MAML3: variants seen among roughly 807,000 people sequenced by gnomAD.
The protein encoded by MAML3 is mastermind-like protein 3.
In MAML3, 27 loss-of-function variants were observed where a neutral mutation model predicts 101.9. The observed-to-expected ratio is 0.27, with a 90% CI of 0.20 to 0.37. MAML3 has a LOEUF of 0.37. Ranked by LOEUF, MAML3 falls within the 10% of genes least tolerant of loss-of-function variation. The pLI is 1.00. For missense variants in MAML3, 1,316 were observed against 1,444.9 expected, an observed-to-expected ratio of 0.91 and a Z score of 1.45; for synonymous variants, 501 against 555.9, an observed-to-expected ratio of 0.90 and a Z score of 1.39.
intron 2 of MAML3, among the ~76,000 whole-genome samples, chr4:139,793,948 T>C (rs13133905): frequency 0.064 from 9,751 of 152,232 alleles, 563 homozygotes; most frequent in African/African-American, 0.15. Flanking sequence ...GCACTGTACA[T>C]CTTGGCTACT....
intron 1 of MAML3, among the ~76,000 whole-genome samples, chr4:139,961,317 T>G (rs372156546): frequency 6.6e-6 from 1 of 152,266 alleles, no homozygotes; most frequent in Non-Finnish European, 1.5e-5. Flanking sequence ...GATTACTAAA[T>G]AGAGAACAAA....
At chr4:140,108,226 C>G (rs972716895) in intron 1 of MAML3, among the ~76,000 whole-genome samples, 1 of 151,990 alleles carries the variant, frequency 6.6e-6, no homozygotes, top group Non-Finnish European at 1.5e-5. Flanking sequence ...CCTGAAATGC[C>G]CTTTCCTCTT....
At chr4:139,970,206 A>G (rs1042181945) in intron 1 of MAML3, among the ~76,000 whole-genome samples, 1 of 152,234 alleles carries the variant, frequency 6.6e-6, no homozygotes, top group African/African-American at 2.4e-5. Context: ...ATTAAATTGA[A>G]CTGAGAGGAT....
At chr4:140,009,670 A>C (rs747237292) in intron 1 of MAML3, among the ~76,000 whole-genome samples, 13 of 152,236 alleles carry the variant, frequency 8.5e-5, no homozygotes, top group Non-Finnish European at 1.6e-4. Flanking sequence ...GCATTGATTT[A>C]ATTCAACAAA....
At chr4:139,792,938 G>T (rs1394900589) in intron 2 of MAML3, among the ~76,000 whole-genome samples, 1 of 151,910 alleles carries the variant, frequency 6.6e-6, no homozygotes, top group Non-Finnish European at 1.5e-5. Flanking sequence ...AGTAGAGACG[G>T]GGTTTCACCA....
intron 1 of MAML3, among the ~76,000 whole-genome samples, chr4:140,150,009 A>G (rs1729131609): frequency 6.8e-6 from 1 of 146,604 alleles, no homozygotes; most frequent in Admixed American, 7.1e-5. Flanking sequence ...CTTACATTAC[A>G]TTCATCACAC....
At chr4:139,766,801 A>C (rs533340076) in intron 2 of MAML3, among the ~76,000 whole-genome samples, 1 of 152,372 alleles carries the variant, frequency 6.6e-6, no homozygotes, top group South Asian at 2.1e-4. Flanking sequence ...ATGAAGAGCA[A>C]AACTGAGAAA....
intron 1 of MAML3, among the ~76,000 whole-genome samples, chr4:140,132,892 G>T (rs182936676): frequency 5.1e-4 from 78 of 152,284 alleles, no homozygotes; most frequent in African/African-American, 1.9e-3. Flanking sequence ...AGCTGTAGAG[G>T]TTTTTGGTCT....
intron 1 of MAML3, among the ~76,000 whole-genome samples, chr4:140,060,192 C>T (rs1050519615): frequency 2.0e-5 from 3 of 151,430 alleles, no homozygotes; most frequent in African/African-American, 7.3e-5. Context: ...ACGGTGAAAC[C>T]CAGTCTCTAT....
chr4:140,064,504 G>C (rs1196019577), intron 1 of MAML3, among the ~76,000 whole-genome samples: 4 of 152,204 alleles, frequency 2.6e-5, no homozygotes, highest in Admixed American at 6.5e-5. Flanking sequence ...TACATAGTTG[G>C]GTTAGAGGGT....
intron 1 of MAML3, among the ~76,000 whole-genome samples, chr4:140,083,953 CACACACACACACACAGAGAG>C (rs1200271030): frequency 1.9e-4 from 5 of 26,514 alleles, no homozygotes; most frequent in African/African-American, 6.2e-4. Flanking sequence ...CACACACACA[CACACACACACACACAGAGAG>C]AGAGAGAGAG....
chr4:139,890,165 G>C lies in MAML3; in HGVS notation c.1271C>G (p.Ala424Gly), dbSNP rs1181328351. 1.5e-5 allele frequency: 25 copies of C among 1,613,524 alleles called. No individual in the cohort carries two copies. Among genetic ancestry groups the C allele is most frequent in the Non-Finnish European group, 2.1e-5 (25 of 1,179,884 alleles). Residue 424 changes from alanine (A) to glycine (G), a missense_variant, in exon 2 of 5, where the codon GCC becomes GGC. Physicochemically the swap from Ala to Gly is moderately conservative, Grantham distance 60. Coordinates refer to ENST00000509479, the MANE Select transcript of MAML3 (RefSeq NM_018717.5). The surrounding 1 kb of genome is among the most constrained non-coding windows in gnomAD (Gnocchi z 4.1). ...AVQSPQTPNQAHTPGQAPPRP... is the reference protein window; with the variant it reads ...AVQSPQTPNQGHTPGQAPPRP... ...AGGTGGAGCTTGGCCTGGAGTGTGG[G>C]CTTGGTTTGGAGTTTGAGGGGACTG...
At chr4:139,752,880 T>C (rs1432667717) in intron 2 of MAML3, among the ~76,000 whole-genome samples, 1 of 152,196 alleles carries the variant, frequency 6.6e-6, no homozygotes, top group Non-Finnish European at 1.5e-5. Context: ...AGCTACTTCC[T>C]TGTGGTGACA....
At chr4:140,151,320 A>T (rs1213043202) in intron 1 of MAML3, among the ~76,000 whole-genome samples, 2 of 151,546 alleles carry the variant, frequency 1.3e-5, no homozygotes, top group East Asian at 3.9e-4. Flanking sequence ...CCCCCGGAGA[A>T]CTGGGAGGAG....
At chr4:139,815,543 A>G (rs1230433699) in intron 2 of MAML3, among the ~76,000 whole-genome samples, 2 of 152,228 alleles carry the variant, frequency 1.3e-5, no homozygotes, top group Non-Finnish European at 2.9e-5. Flanking sequence ...AAGGAATTCA[A>G]ATCTGGGCTC....
chr4:139,984,659 G>C lies in MAML3; in HGVS notation c.469-93692C>G, dbSNP rs181201148. Among the ~76,000 whole-genome samples, 1,064 of 152,222 alleles carry C rather than the reference G, an allele frequency of 7.0e-3. 4 individuals are homozygous for C. Among genetic ancestry groups the C allele is most frequent in the Non-Finnish European group, 8.6e-3 (587 of 68,020 alleles). On this transcript the variant is annotated intron_variant, in intron 1 of 4. Coordinates refer to ENST00000509479, the MANE Select transcript of MAML3 (RefSeq NM_018717.5). Reference sequence around the variant, plus strand: ...AGGAATTGGCTCATGCGACTGTGGGGGCTGGCAAGTCTGAAATTTGTAGGG... The same window carrying C: ...AGGAATTGGCTCATGCGACTGTGGGCGCTGGCAAGTCTGAAATTTGTAGGG...
intron 2 of MAML3, among the ~76,000 whole-genome samples, chr4:139,784,586 C>T (rs113383990): frequency 0.011 from 1,661 of 152,262 alleles, 11 homozygotes; most frequent in Non-Finnish European, 0.015. Context: ...GTGTGGGTCG[C>T]CTTTCTCAAG....
At chr4:139,864,279 C>T (rs1731846929) in intron 2 of MAML3, among the ~76,000 whole-genome samples, 1 of 152,248 alleles carries the variant, frequency 6.6e-6, no homozygotes, top group Admixed American at 6.5e-5. Flanking sequence ...CATTCACAAA[C>T]TTTCTGATGG....
At chr4:139,944,937 TC>T (rs1211387741) in intron 1 of MAML3, among the ~76,000 whole-genome samples, 1 of 150,574 alleles carries the variant, frequency 6.6e-6, no homozygotes, top group East Asian at 1.9e-4. Flanking sequence ...GACCCAGCCA[TC>T]CCATTACTGG....
Sources: gnomAD v4.1 joint callset for allele counts (sites outside exome capture counted in the v4.1 genomes callset) on GRCh38, gnomAD v4.1.1 for gene constraint, Gnocchi (gnomAD v3.1) non-coding constraint, MANE v1.5 for transcripts, NCBI Gene and HGNC (gene_info 2026-07-23, HGNC 2026-07-21) for gene names.